The following WTAP variants were observed in gnomAD, a reference collection of about 807,000 sequenced individuals.
WTAP encodes WT1 associated protein.
WTAP carries 8 observed loss-of-function variants against 50.0 expected under a neutral mutation model. That is an observed-to-expected ratio of 0.16 (90% CI 0.09 to 0.29). The LOEUF (loss-of-function observed/expected upper bound fraction) is 0.29, where lower values mean the gene tolerates loss of function less well. WTAP is among the 10% of genes least tolerant of loss of function. The pLI, the probability that WTAP is intolerant of heterozygous loss-of-function variation, is 1.00. For missense variants in WTAP, 295 were observed against 470.7 expected (o/e 0.63, Z 3.45); for synonymous variants, 194 against 169.0 (o/e 1.15, Z -1.15).
chr6:159,752,698 TATA>T (rs1779866606), intron 6 of WTAP, among the ~76,000 whole-genome samples: 1 of 152,228 alleles, frequency 6.6e-6, no homozygotes, highest in South Asian at 2.1e-4. Context: ...CCTCAATTAA[TATA>T]ATAGATAATA....
intron 1 of WTAP, among the ~76,000 whole-genome samples, chr6:159,735,613 G>T (rs1778862196): frequency 6.6e-6 from 1 of 152,226 alleles, no homozygotes; most frequent in South Asian, 2.1e-4. Flanking sequence ...GCCAGGTGTG[G>T]TGGCACGCAC....
chr6:159,727,311 C>T, upstream of WTAP: 1 of 1,281,116 alleles, frequency 7.8e-7, no homozygotes, highest in Non-Finnish European at 1.0e-6. Flanking sequence ...TGACTGCGGC[C>T]ACGCCTGAAA....
upstream of WTAP, chr6:159,727,329 C>T (rs1778232639): frequency 3.2e-6 from 4 of 1,259,274 alleles, no homozygotes; most frequent in African/African-American, 4.9e-5. Flanking sequence ...AAAGGCGACT[C>T]TCCTGTGAGT....
chr6:159,748,086 C>A lies in WTAP; in HGVS notation c.274-105C>A. The A allele has an allele frequency of 7.3e-7, 1 of 1,362,868 alleles. No homozygotes were observed. The highest frequency in any genetic ancestry group is 9.9e-7 in the Non-Finnish European group (1 of 1,006,538). The allele number at this position is 1,362,868 out of a possible 1,614,324, so 84.4% of individuals were successfully genotyped here. A position where few individuals can be genotyped will look rare whatever the true frequency, so the allele number is the denominator to read the frequency against. On this transcript the variant is annotated intron_variant, in intron 5 of 7. Transcript: ENST00000621533. This position sits in a 1 kb window ranked among gnomAD's most constrained non-coding sequence, Gnocchi z 5.6. ...ATTTCAGGATCAAAGAGGGGAGGAGCTTAATGAAAGAGTTGGTAAATCAAG... is the reference window on the plus strand; with the variant it reads ...ATTTCAGGATCAAAGAGGGGAGGAGATTAATGAAAGAGTTGGTAAATCAAG...
At chr6:159,753,329 T>C (rs752548611) in intron 6 of WTAP, 131 bp from the exon 7 acceptor site, 23 of 1,250,280 alleles carry the variant, frequency 1.8e-5, no homozygotes, top group Non-Finnish European at 2.4e-5. Context: ...GAAAAGAAGA[T>C]GGTAATTATG....
chr6:159,742,200 A>AC, intron 4 of WTAP, 54 bp downstream of exon 4: 12 of 1,391,954 alleles, frequency 8.6e-6, no homozygotes, highest in Non-Finnish European at 1.2e-5. Flanking sequence ...TTGATTGTTA[A>AC]AATCAAAAGG....
At chr6:159,752,256 T>A (rs1489443647) in intron 6 of WTAP, among the ~76,000 whole-genome samples, 1 of 152,196 alleles carries the variant, frequency 6.6e-6, no homozygotes, top group African/African-American at 2.4e-5. Context: ...CATCCTGGAC[T>A]TACCCCAAGG....
chr6:159,728,118 A>G (rs1002314608), intron 1 of WTAP, among the ~76,000 whole-genome samples: 3 of 152,258 alleles, frequency 2.0e-5, no homozygotes, highest in African/African-American at 7.2e-5. Flanking sequence ...TTCGTTCCCT[A>G]CATTTCATGT....
At chr6:159,736,158 A>T in intron 1 of WTAP, 100 bp from the exon 2 acceptor site, 1 of 1,117,074 alleles carries the variant, frequency 9.0e-7, no homozygotes, top group Non-Finnish European at 1.3e-6. Flanking sequence ...ACAGTAATTT[A>T]GTTCACTAAT....
At chr6:159,736,442 A>G (rs369258459) in intron 2 of WTAP, 147 bp downstream of exon 2, 78 of 648,866 alleles carry the variant, frequency 1.2e-4, no homozygotes, top group Middle Eastern at 8.1e-4. Flanking sequence ...ATAGCATTGG[A>G]GTTGTACAGT....
chr6:159,729,876 C>G (rs1165183843), intron 1 of WTAP, among the ~76,000 whole-genome samples: 1 of 152,160 alleles, frequency 6.6e-6, no homozygotes, highest in East Asian at 1.9e-4. Flanking sequence ...AACTGAGTTA[C>G]CTAACTTTAT....
intron 6 of WTAP, among the ~76,000 whole-genome samples, chr6:159,752,268 C>T (rs1779847613): frequency 6.6e-6 from 1 of 152,140 alleles, no homozygotes; most frequent in South Asian, 2.1e-4. Context: ...ACCCCAAGGA[C>T]AAGAATGTCA....
chr6:159,746,741 T>C (rs1026505227), intron 5 of WTAP, among the ~76,000 whole-genome samples: 1 of 152,230 alleles, frequency 6.6e-6, no homozygotes, highest in Non-Finnish European at 1.5e-5. Context: ...TCATTTAGTC[T>C]TTTGCCAATC....
rs1323893777 is a variant in WTAP at position 159,756,195 on chromosome 6, T to G, written c.*584T>G. On this transcript the variant is annotated 3_prime_UTR_variant, in exon 8 of 8. Transcript: ENST00000621533. ...TCTTTAGGTGACTGTTTAAGAAATT[T>G]GTGTGCATAGTTACTCAGTTTTTAT... 1 of 153,254 alleles carries G rather than the reference T, an allele frequency of 6.5e-6. No individual in the cohort carries two copies. Among genetic ancestry groups the G allele is most frequent in the East Asian group, 1.9e-4 (1 of 5,200 alleles). The allele number at this position is 153,254 out of a possible 1,614,324, so 9.5% of individuals were successfully genotyped here.
intron 1 of WTAP, among the ~76,000 whole-genome samples, chr6:159,733,918 A>G (rs1778746903): frequency 6.6e-6 from 1 of 151,198 alleles, no homozygotes; most frequent in Non-Finnish European, 1.5e-5. Context: ...CTCCATCTCC[A>G]AAAAAAAAGA....
At chr6:159,745,756 A>G (rs1031004974) in intron 5 of WTAP, among the ~76,000 whole-genome samples, 1 of 152,176 alleles carries the variant, frequency 6.6e-6, no homozygotes, top group Non-Finnish European at 1.5e-5. Context: ...TGAAAGATAG[A>G]TTTGAGAGGA....
At chr6:159,752,634 C>T (rs147380276) in intron 6 of WTAP, among the ~76,000 whole-genome samples, 1 of 152,088 alleles carries the variant, frequency 6.6e-6, no homozygotes, top group East Asian at 1.9e-4. Context: ...AAAGGATGAT[C>T]TTTTCCAATA....
chr6:159,733,915 T>C (rs1274344673), intron 1 of WTAP, among the ~76,000 whole-genome samples: 2 of 151,660 alleles, frequency 1.3e-5, no homozygotes, highest in African/African-American at 4.8e-5. Flanking sequence ...AAACTCCATC[T>C]CCAAAAAAAA....
intron 4 of WTAP, among the ~76,000 whole-genome samples, chr6:159,742,513 C>G (rs749819850): frequency 3.9e-5 from 6 of 152,104 alleles, no homozygotes; most frequent in Admixed American, 3.3e-4. Flanking sequence ...TAAACAGAAG[C>G]AACCAGTAAC....
Sources: allele counts gnomAD v4.1 joint callset (sites outside exome capture counted in the v4.1 genomes callset), GRCh38; gene constraint gnomAD v4.1.1; non-coding constraint Gnocchi (gnomAD v3.1); transcripts MANE v1.5; gene names NCBI Gene and HGNC (gene_info 2026-07-23, HGNC 2026-07-21).